The following LRRC3B variants were observed in gnomAD, a reference collection of about 807,000 sequenced individuals.
The protein encoded by LRRC3B is leucine-rich repeat-containing protein 3B.
In LRRC3B, 2 loss-of-function variants were observed where a neutral mutation model predicts 12.8. The ratio of observed to expected loss-of-function variants is 0.16; its 90% CI spans 0.06 to 0.49. LRRC3B has a LOEUF of 0.49. Ranked by LOEUF, LRRC3B falls within the 20% of genes least tolerant of loss-of-function variation. The probability of loss-of-function intolerance (pLI) is 0.96; values close to 1 mark genes in which losing one functional copy is unlikely to be tolerated. For missense variants in LRRC3B, 189 were observed against 319.4 expected (o/e 0.59, Z 3.11); for synonymous variants, 132 against 122.0 (o/e 1.08, Z -0.54).
intron 1 of LRRC3B, among the ~76,000 whole-genome samples, chr3:26,660,491 G>A (rs1699470876): frequency 6.6e-6 from 1 of 152,134 alleles, no homozygotes; most frequent in African/African-American, 2.4e-5. Context: ...ACATTTTAAA[G>A]CTGATTTAAT....
intron 1 of LRRC3B, among the ~76,000 whole-genome samples, chr3:26,694,004 T>C (rs1298478743): frequency 6.6e-6 from 1 of 152,228 alleles, no homozygotes. Flanking sequence ...TAATTTTTTC[T>C]TCTCTGCCTG....
chr3:26,668,578 A>G (rs1699656139), intron 1 of LRRC3B, among the ~76,000 whole-genome samples: 1 of 152,204 alleles, frequency 6.6e-6, no homozygotes, highest in Non-Finnish European at 1.5e-5. Flanking sequence ...GCATTTTCCA[A>G]GAATCTGGGT....
intron 1 of LRRC3B, among the ~76,000 whole-genome samples, chr3:26,682,829 G>A (rs1484599108): frequency 6.6e-6 from 1 of 152,128 alleles, no homozygotes; most frequent in African/African-American, 2.4e-5. Flanking sequence ...AAAAATTGCT[G>A]TGTTTTCCTC....
At chr3:26,636,910 CTT>C (rs1475113441) in intron 1 of LRRC3B, among the ~76,000 whole-genome samples, 1,129 of 107,300 alleles carry the variant, frequency 0.011, 53 homozygotes, top group African/African-American at 0.028. Flanking sequence ...CTCTTTCTCT[CTT>C]TCTCTCTTTC....
chr3:26,694,966 AC>A (rs1034740615), intron 1 of LRRC3B, among the ~76,000 whole-genome samples: 2 of 152,096 alleles, frequency 1.3e-5, no homozygotes, highest in African/African-American at 4.8e-5. Context: ...AATATCATCA[AC>A]CCCCAGAACC....
chr3:26,679,486 C>T (rs1489498835), intron 1 of LRRC3B, among the ~76,000 whole-genome samples: 1 of 152,132 alleles, frequency 6.6e-6, no homozygotes, highest in African/African-American at 2.4e-5. Flanking sequence ...ACATGGTGTT[C>T]CTTCTCCTGG....
intron 1 of LRRC3B, among the ~76,000 whole-genome samples, chr3:26,672,994 C>A (rs1699782877): frequency 6.6e-6 from 1 of 152,140 alleles, no homozygotes; most frequent in Non-Finnish European, 1.5e-5. Flanking sequence ...TATTTATTGT[C>A]CAAAAATTTT....
intron 1 of LRRC3B, among the ~76,000 whole-genome samples, chr3:26,657,263 C>T (rs746742841): frequency 2.6e-5 from 4 of 152,170 alleles, no homozygotes; most frequent in Non-Finnish European, 4.4e-5. Flanking sequence ...ACTCTCAACA[C>T]GCACCTTTAA....
At chr3:26,680,098 G>T (rs755942487) in intron 1 of LRRC3B, among the ~76,000 whole-genome samples, 6 of 152,186 alleles carry the variant, frequency 3.9e-5, no homozygotes, top group Non-Finnish European at 5.9e-5. Context: ...GTAGGTCTGA[G>T]ACAGGGCTTA....
intron 1 of LRRC3B, among the ~76,000 whole-genome samples, chr3:26,636,959 T>C (rs561518364): frequency 1.2e-4 from 15 of 125,108 alleles, no homozygotes; most frequent in African/African-American, 3.9e-4. Context: ...TCTTTCTTTC[T>C]TTCTTTCTTT....
chr3:26,625,275 A>G (rs545896354), intron 1 of LRRC3B: 3 of 152,276 alleles, frequency 2.0e-5, no homozygotes, highest in Non-Finnish European at 4.4e-5. Flanking sequence ...ATCGGAGGAA[A>G]CGTCGACTCG....
At chr3:26,648,593 T>G (rs1432192198) in intron 1 of LRRC3B, among the ~76,000 whole-genome samples, 1 of 152,182 alleles carries the variant, frequency 6.6e-6, no homozygotes, top group Admixed American at 6.5e-5. Flanking sequence ...CCAGTCTGTG[T>G]TTCTCCTGTC....
At chr3:26,629,711 G>A (rs1698712292) in intron 1 of LRRC3B, among the ~76,000 whole-genome samples, 1 of 152,188 alleles carries the variant, frequency 6.6e-6, no homozygotes, top group African/African-American at 2.4e-5. Context: ...GCTATGTGTT[G>A]TGTGGTTTTT....
chr3:26,692,025 C>T (rs1206166696), intron 1 of LRRC3B, among the ~76,000 whole-genome samples: 2 of 152,140 alleles, frequency 1.3e-5, no homozygotes, highest in Admixed American at 6.5e-5. Context: ...GATGGCTATC[C>T]ACACATGTCC....
At position 26,670,090 on chromosome 3, in the gene LRRC3B, CT is replaced by C. The variant is rs201750130; in HGVS notation, c.-160-39416del. 1.6e-3 allele frequency among the ~76,000 whole-genome samples: 249 copies of C among 152,302 alleles called. 5 individuals are homozygous for C. The East Asian group carries it at 0.019, about 12-fold the overall frequency. ...TCAGTTTAGAGCTCCATGCTAATCACTTTTTTTCTTTTGTCTCACTCATTTT... is the reference window on the plus strand; with the variant it reads ...TCAGTTTAGAGCTCCATGCTAATCACTTTTTTCTTTTGTCTCACTCATTTT... On this transcript the variant is annotated intron_variant, in intron 1 of 1. Transcript: ENST00000396641.
chr3:26,680,796 GTA>G (rs138815686), intron 1 of LRRC3B, among the ~76,000 whole-genome samples: 49 of 152,308 alleles, frequency 3.2e-4, no homozygotes, highest in African/African-American at 1.1e-3. Flanking sequence ...AAGATACAAA[GTA>G]TAGTCTAGCC....
At chr3:26,700,654 C>G (rs182991558) in intron 1 of LRRC3B, among the ~76,000 whole-genome samples, 14 of 152,210 alleles carry the variant, frequency 9.2e-5, no homozygotes, top group African/African-American at 3.1e-4. Flanking sequence ...GTATACTTCC[C>G]TTAATTTAAA....
chr3:26,636,626 A>T (rs1292837699), intron 1 of LRRC3B, among the ~76,000 whole-genome samples: 1 of 152,052 alleles, frequency 6.6e-6, no homozygotes, highest in East Asian at 1.9e-4. Context: ...AAAAAAAAAC[A>T]GGACACAATT....
At chr3:26,670,115 T>G (rs1369236766) in intron 1 of LRRC3B, among the ~76,000 whole-genome samples, 1 of 152,222 alleles carries the variant, frequency 6.6e-6, no homozygotes, top group African/African-American at 2.4e-5. Flanking sequence ...CTCACTCATT[T>G]TTATCCTGTG....
Sources: gnomAD v4.1 joint callset for allele counts (sites outside exome capture counted in the v4.1 genomes callset) on GRCh38, gnomAD v4.1.1 for gene constraint, MANE v1.5 for transcripts, NCBI Gene and HGNC (gene_info 2026-07-23, HGNC 2026-07-21) for gene names.